HS2ST1: variants seen among roughly 807,000 people sequenced by gnomAD.
HS2ST1 encodes the protein 2-O-sulfotransferase.
Under a neutral mutation model 42.9 loss-of-function variants are expected in HS2ST1, and 18 were observed. That is an observed-to-expected ratio of 0.42 (90% CI 0.29 to 0.62). The LOEUF is 0.62. Among genes scored for constraint, HS2ST1 ranks in the 20% least tolerant of loss-of-function variants. The probability of loss-of-function intolerance (pLI) is 0.21; values close to 1 mark genes in which losing one functional copy is unlikely to be tolerated. For missense variants in HS2ST1, 334 were observed against 433.8 expected, an observed-to-expected ratio of 0.77 and a Z score of 2.04; for synonymous variants, 146 against 152.9, an observed-to-expected ratio of 0.95 and a Z score of 0.33.
At chr1:87,066,021 G>A (rs922679108) in intron 1 of HS2ST1, among the ~76,000 whole-genome samples, 1 of 151,948 alleles carries the variant, frequency 6.6e-6, no homozygotes, top group Non-Finnish European at 1.5e-5. Context: ...ACTATTGCAC[G>A]TTTTCAGTTC....
At chr1:87,022,149 G>A (rs950528234) in intron 1 of HS2ST1, among the ~76,000 whole-genome samples, 5 of 152,096 alleles carry the variant, frequency 3.3e-5, no homozygotes, top group Non-Finnish European at 7.4e-5. Flanking sequence ...CAGTCGGCTG[G>A]TATTATTAAG....
chr1:86,982,676 G>A (rs1053311693), intron 1 of HS2ST1, among the ~76,000 whole-genome samples: 1 of 151,926 alleles, frequency 6.6e-6, no homozygotes, highest in African/African-American at 2.4e-5. Context: ...CACCACGCCC[G>A]GCTAATTTTT....
intron 1 of HS2ST1, chr1:87,046,272 C>A: frequency 1.3e-6 from 1 of 747,082 alleles, no homozygotes; most frequent in Non-Finnish European, 2.5e-6. Context: ...CGAATGTCAT[C>A]CTAAGCCAAC....
intron 1 of HS2ST1, among the ~76,000 whole-genome samples, chr1:87,008,402 TGAA>T (rs1159602966): frequency 6.6e-6 from 1 of 152,186 alleles, no homozygotes. Context: ...GAAGCAGAAA[TGAA>T]GACTGATTGC....
chr1:86,952,149 A>G (rs1647537052), intron 1 of HS2ST1, among the ~76,000 whole-genome samples: 1 of 152,222 alleles, frequency 6.6e-6, no homozygotes, highest in Admixed American at 6.5e-5. Flanking sequence ...AGAATGATGA[A>G]TCCTTTCTAG....
chr1:87,101,242 T>C (rs1652198131), intron 5 of HS2ST1, among the ~76,000 whole-genome samples: 1 of 137,892 alleles, frequency 7.3e-6, no homozygotes, highest in South Asian at 2.6e-4. Flanking sequence ...CTCGGTTCAC[T>C]GCAACCTCCG....
chr1:87,062,515 T>C (rs1651142159), intron 1 of HS2ST1, among the ~76,000 whole-genome samples: 1 of 152,222 alleles, frequency 6.6e-6, no homozygotes. Flanking sequence ...TCTGCCTTCA[T>C]TTAGAGCCAC....
At chr1:86,995,311 G>A (rs1416290541) in intron 1 of HS2ST1, among the ~76,000 whole-genome samples, 1 of 152,102 alleles carries the variant, frequency 6.6e-6, no homozygotes, top group African/African-American at 2.4e-5. Context: ...TACCCATATT[G>A]CATGTTTAAT....
At chr1:87,049,481 G>A (rs978624472) in intron 1 of HS2ST1, among the ~76,000 whole-genome samples, 1 of 151,806 alleles carries the variant, frequency 6.6e-6, no homozygotes, top group Non-Finnish European at 1.5e-5. Flanking sequence ...GTTTTATTAG[G>A]TTCAAAATGC....
chr1:87,085,116 G>T (rs1651789652), intron 3 of HS2ST1, among the ~76,000 whole-genome samples: 2 of 151,980 alleles, frequency 1.3e-5, no homozygotes, highest in African/African-American at 4.8e-5. Context: ...GAACTTTTTT[G>T]GTAGTACACA....
chr1:86,941,558 G>A (rs1660763832), intron 1 of HS2ST1, among the ~76,000 whole-genome samples: 1 of 152,024 alleles, frequency 6.6e-6, no homozygotes, highest in Non-Finnish European at 1.5e-5. Context: ...GATCAGTTGA[G>A]GTCAGGAGTT....
intron 1 of HS2ST1, among the ~76,000 whole-genome samples, chr1:86,966,154 T>A (rs1648039773): frequency 6.6e-6 from 1 of 152,236 alleles, no homozygotes; most frequent in South Asian, 2.1e-4. Flanking sequence ...TGACTTTAGC[T>A]CTTATCAGAG....
intron 3 of HS2ST1, among the ~76,000 whole-genome samples, chr1:87,085,176 G>T (rs1353155143): frequency 6.6e-6 from 1 of 152,050 alleles, no homozygotes; most frequent in Non-Finnish European, 1.5e-5. Flanking sequence ...CTAAGATTCT[G>T]CATTAACTTC....
At chr1:86,933,706 A>AT (rs58580477) in intron 1 of HS2ST1, among the ~76,000 whole-genome samples, 32,403 of 129,182 alleles carry the variant, frequency 0.25, 4,642 homozygotes, top group African/African-American at 0.38. Flanking sequence ...ATGCCTTGTA[A>AT]TTTTTTTTTT....
At chr1:87,025,561 A>G (rs936192209) in intron 1 of HS2ST1, among the ~76,000 whole-genome samples, 5 of 152,234 alleles carry the variant, frequency 3.3e-5, no homozygotes, top group Non-Finnish European at 5.9e-5. Flanking sequence ...AGAATATCTC[A>G]TATTTTAACA....
At chr1:86,980,669 T>A (rs767308634) in intron 1 of HS2ST1, among the ~76,000 whole-genome samples, 2 of 152,212 alleles carry the variant, frequency 1.3e-5, no homozygotes, top group East Asian at 3.8e-4. Context: ...AATCCAGGGC[T>A]TATTGTGATT....
intron 3 of HS2ST1, among the ~76,000 whole-genome samples, chr1:87,085,204 T>C (rs1341441117): frequency 6.6e-6 from 1 of 151,748 alleles, no homozygotes; most frequent in Admixed American, 6.6e-5. Context: ...CTAAAAAAAT[T>C]TTTTTTATTA....
At chr1:86,998,466 C>T (rs1408294520) in intron 1 of HS2ST1, among the ~76,000 whole-genome samples, 1 of 152,132 alleles carries the variant, frequency 6.6e-6, no homozygotes, top group East Asian at 1.9e-4. Context: ...ATACACTGAG[C>T]GAATTTTTAT....
At chr1:87,101,154 T>G (rs1319167194) in intron 5 of HS2ST1, among the ~76,000 whole-genome samples, 50 of 85,772 alleles carry the variant, frequency 5.8e-4, no homozygotes, top group African/African-American at 2.5e-3. Context: ...TGTGTGTTTT[T>G]TGTTTTTTTT....
Sources: allele counts gnomAD v4.1 joint callset (sites outside exome capture counted in the v4.1 genomes callset), GRCh38; gene constraint gnomAD v4.1.1; transcripts MANE v1.5; gene names NCBI Gene and HGNC (gene_info 2026-07-23, HGNC 2026-07-21).